Variants in SMAP2 observed in about 807,000 individuals in gnomAD.
SMAP2 encodes the protein stromal membrane-associated protein 2.
In SMAP2, 25 loss-of-function variants were observed where a neutral mutation model predicts 56.4. The observed-to-expected ratio is 0.44, with a 90% confidence interval of 0.32 to 0.62. The LOEUF is 0.62. SMAP2 is among the 20% of genes least tolerant of loss of function. The probability of loss-of-function intolerance (pLI) is 0.04; values close to 1 mark genes in which losing one functional copy is unlikely to be tolerated. For synonymous variants in SMAP2, 157 were observed against 181.7 expected, an observed-to-expected ratio of 0.86 and a Z score of 1.09; for missense variants, 388 against 545.6, an observed-to-expected ratio of 0.71 and a Z score of 2.88.
chr1:40,391,702 C>T (rs1439324807), intron 1 of SMAP2, among the ~76,000 whole-genome samples: 1 of 152,156 alleles, frequency 6.6e-6, no homozygotes, highest in Non-Finnish European at 1.5e-5. Context: ...TGGACAATGA[C>T]CATATCACCC....
intron 1 of SMAP2, among the ~76,000 whole-genome samples, chr1:40,387,686 G>A (rs1023630810): frequency 5.9e-5 from 9 of 152,124 alleles, no homozygotes; most frequent in South Asian, 2.1e-4. Flanking sequence ...AGGTGACAGC[G>A]TGCTGGCAGC....
chr1:40,362,594 T>G (rs1244409597), intron 2 of SMAP2, among the ~76,000 whole-genome samples: 1 of 152,212 alleles, frequency 6.6e-6, no homozygotes, highest in Non-Finnish European at 1.5e-5. Flanking sequence ...CATGCTATTC[T>G]CATTCCTGAT....
At chr1:40,387,725 C>T (rs1462356408) in intron 1 of SMAP2, among the ~76,000 whole-genome samples, 2 of 152,206 alleles carry the variant, frequency 1.3e-5, no homozygotes, top group African/African-American at 2.4e-5. Flanking sequence ...CTCTCGGTGC[C>T]TCCTCGGCCT....
chr1:40,381,040 A>G (rs1206801207), intron 1 of SMAP2, among the ~76,000 whole-genome samples: 1 of 152,168 alleles, frequency 6.6e-6, no homozygotes, highest in Non-Finnish European at 1.5e-5. Context: ...TTGTCTTTTA[A>G]TGTCAACATA....
At position 40,374,617 on chromosome 1, in the gene SMAP2, G is replaced by C; in HGVS notation, c.103+394G>C. ...CGTGCGTGTGTGTGTGTGTGTGTGT[G>C]TGTGTGTGAGAGAGAGAGAGAGAGA... On this transcript the variant is annotated intron_variant, in intron 1 of 9. Transcript: ENST00000372718. This position sits in a 1 kb window ranked among gnomAD's most constrained non-coding sequence, Gnocchi z 5.9. 7.1e-7 allele frequency: 1 copy of C among 1,409,806 alleles called. No individual in the cohort carries two copies. Among genetic ancestry groups the C allele is most frequent in the Non-Finnish European group, 9.7e-7 (1 of 1,026,634 alleles). The allele number at this position is 1,409,806 out of a possible 1,614,324, so 87.3% of individuals were successfully genotyped here.
At chr1:40,403,012 G>A (rs1445698882) in intron 1 of SMAP2, among the ~76,000 whole-genome samples, 1 of 152,164 alleles carries the variant, frequency 6.6e-6, no homozygotes, top group African/African-American at 2.4e-5. Context: ...GGGTGGGGGT[G>A]TGTAGCAGAG....
Position 40,386,412 on chromosome 1 carries a change from A to G in SMAP2, c.103+12189A>G, listed in dbSNP as rs943324285. ...TTTCCTGTAGTGTGACTACAGTATT[A>G]ACATTCCCAGATTATATGAAAGAGA... is the stretch of plus-strand genomic sequence containing the variant. On this transcript the variant is annotated intron_variant, in intron 1 of 9. Transcript: ENST00000372718. This position sits in a 1 kb window ranked among gnomAD's most constrained non-coding sequence, Gnocchi z 4.1. 6.6e-6 allele frequency among the ~76,000 whole-genome samples: 1 copy of G among 152,332 alleles called. No homozygotes were observed. The highest frequency in any genetic ancestry group is 3.4e-3 in the Middle Eastern group (1 of 294).
At chr1:40,388,458 C>T (rs1050238951) in intron 1 of SMAP2, among the ~76,000 whole-genome samples, 4 of 152,094 alleles carry the variant, frequency 2.6e-5, no homozygotes, top group South Asian at 2.1e-4. Context: ...ATGCACCAAT[C>T]GACACTCTGT....
At chr1:40,356,395 T>TG (rs1172151014) in intron 1 of SMAP2, among the ~76,000 whole-genome samples, 5 of 150,244 alleles carry the variant, frequency 3.3e-5, no homozygotes, top group African/African-American at 4.9e-5. Flanking sequence ...TAGTTTTTTG[T>TG]GGGTTTTTTG....
At chr1:40,395,118 T>TG (rs957322748) in intron 1 of SMAP2, among the ~76,000 whole-genome samples, 7 of 152,114 alleles carry the variant, frequency 4.6e-5, no homozygotes, top group Non-Finnish European at 1.0e-4. Flanking sequence ...CAGTTGATGG[T>TG]GGGGGGTCCA....
At chr1:40,347,525 CAG>C (rs1644394270) in intron 1 of SMAP2, among the ~76,000 whole-genome samples, 1 of 152,030 alleles carries the variant, frequency 6.6e-6, no homozygotes, top group South Asian at 2.1e-4. Flanking sequence ...TATTTTGAGA[CAG>C]AGTCTTGCTC....
At chr1:40,413,919 C>A in intron 5 of SMAP2, 1 of 432,506 alleles carries the variant, frequency 2.3e-6, no homozygotes, top group Non-Finnish European at 4.2e-6. Context: ...AAAGATCTGT[C>A]TCTTTAGGAC....
At position 40,408,722 on chromosome 1, in the gene SMAP2, C is replaced by T. The variant is rs1167856207; in HGVS notation, c.307C>T (p.Arg103Ter). ...YEAYLPETFR[R>*]PQIDPAVEGF... Reference sequence around the variant, plus strand: ...AGCCTATCTTCCTGAGACCTTTCGGCGACCTCAGATAGACCCGTATCTTTT... The same window carrying T: ...AGCCTATCTTCCTGAGACCTTTCGGTGACCTCAGATAGACCCGTATCTTTT... Residue 103 changes from arginine to a stop codon, truncating the protein, a stop_gained, in exon 3 of 10, where the codon CGA becomes TGA. Transcript: ENST00000372718. LOFTEE classifies it high-confidence loss of function. The surrounding 1 kb of genome is among the most constrained non-coding windows in gnomAD (Gnocchi z 4.3). 1 of 1,613,640 alleles carries T rather than the reference C, an allele frequency of 6.2e-7. No individual in the cohort carries two copies. The highest frequency in any genetic ancestry group is 8.5e-7 in the Non-Finnish European group (1 of 1,179,658).
rs774191085 is a variant in SMAP2, at chr1:40,354,767, ATT to A, written c.-82-7507_-82-7506del. 2.7e-3 allele frequency among the ~76,000 whole-genome samples: 181 copies of A among 67,296 alleles called. 3 individuals carry two copies. The East Asian group carries it at 0.081, about 30-fold the overall frequency. The allele number at this position is 67,296 out of a possible 152,430, so 44.1% of individuals were successfully genotyped here. Reference sequence around the variant, plus strand: ...GCAGTGAAATGAACCAAAACATTGAATTTTTTTTTTTTTTTTTTTTTTTTTTT... The same window carrying A: ...GCAGTGAAATGAACCAAAACATTGAATTTTTTTTTTTTTTTTTTTTTTTTT... On this transcript the variant is annotated intron_variant, in intron 1 of 6. Transcript: ENST00000435168.
intron 4 of SMAP2, among the ~76,000 whole-genome samples, chr1:40,410,204 C>T (rs1644921778): frequency 6.6e-6 from 1 of 152,056 alleles, no homozygotes. Flanking sequence ...TGTGATTGCA[C>T]CACTTCATTC....
Position 40,400,832 on chromosome 1 carries a change from C to T in SMAP2, c.104-5904C>T, listed in dbSNP as rs962069093. ...GAAAGATTATTCTGGTGGTGGGATT[C>T]TGGAGACTAATTGCTTGTTAGTCTG... is the stretch of plus-strand genomic sequence containing the variant. On this transcript the variant is annotated intron_variant, in intron 1 of 9. Coordinates refer to ENST00000372718, the MANE Select transcript of SMAP2 (RefSeq NM_022733.3). 5.3e-5 allele frequency among the ~76,000 whole-genome samples: 8 copies of T among 152,082 alleles called. No individual in the cohort carries two copies. The South Asian group carries it at 1.7e-3, about 32-fold the overall frequency.
chr1:40,410,170 A>T (rs765868235), intron 4 of SMAP2, among the ~76,000 whole-genome samples: 1 of 152,086 alleles, frequency 6.6e-6, no homozygotes, highest in African/African-American at 2.4e-5. Flanking sequence ...TACGTGAGCC[A>T]GGGAGGTTGA....
At chr1:40,364,736 C>T (rs1171917355) in intron 2 of SMAP2, 2 of 121,898 alleles carry the variant, frequency 1.6e-5, no homozygotes, top group East Asian at 4.8e-4. Context: ...AAAGTGAGAC[C>T]CTGTCTCCAA....
intron 1 of SMAP2, among the ~76,000 whole-genome samples, chr1:40,393,908 C>T (rs1209675446): frequency 6.6e-6 from 1 of 152,166 alleles, no homozygotes; most frequent in Admixed American, 6.5e-5. Flanking sequence ...AAATTAACTT[C>T]TGACAATAAT....
Sources: gnomAD v4.1 joint callset for allele counts (sites outside exome capture counted in the v4.1 genomes callset) on GRCh38, gnomAD v4.1.1 for gene constraint, Gnocchi (gnomAD v3.1) non-coding constraint, MANE v1.5 for transcripts, NCBI Gene and HGNC (gene_info 2026-07-23, HGNC 2026-07-21) for gene names.